The following CABLES1 variants were observed in gnomAD, a reference collection of about 807,000 sequenced individuals.
CABLES1 encodes Cdk5 and Abl enzyme substrate 1.
A neutral mutation model predicts 57.8 loss-of-function variants in CABLES1; 36 were observed. That is an observed-to-expected ratio of 0.62 (90% CI 0.48 to 0.82). The LOEUF is 0.82. Ranked by LOEUF, CABLES1 falls within the 40% of genes least tolerant of loss-of-function variation. The pLI, the probability that CABLES1 is intolerant of heterozygous loss-of-function variation, is 0.00. For synonymous variants in CABLES1, 374 were observed against 363.0 expected, an observed-to-expected ratio of 1.03 and a Z score of -0.35; for missense variants, 767 against 836.6, an observed-to-expected ratio of 0.92 and a Z score of 1.03.
intron 1 of CABLES1, among the ~76,000 whole-genome samples, chr18:23,180,805 G>A (rs1453478061): frequency 1.3e-5 from 2 of 152,186 alleles, no homozygotes; most frequent in East Asian, 1.9e-4. Context: ...TGCATGAGCT[G>A]AACACCATTT....
At position 23,237,234 on chromosome 18, in the gene CABLES1, C is replaced by T. The variant is rs1305919384; in HGVS notation, c.1435C>T (p.Pro479Ser). Residue 479 changes from proline to serine, a missense_variant, in exon 7 of 10, where the codon CCT (proline) becomes TCT (serine). Pro to Ser is a moderately conservative substitution (Grantham distance 74, BLOSUM62 -1). Coordinates refer to ENST00000256925, the MANE Select transcript of CABLES1 (RefSeq NM_001100619.3). ...CGKHKRVLIFPSYMTTVIDYV... is the reference protein window; with the variant it reads ...CGKHKRVLIFSSYMTTVIDYV... ...CAAACACAAACGCGTTCTGATCTTC[C>T]CTTCCTACATGGTGAGTAGCGTGGA... 1.2e-6 allele frequency: 2 copies of T among 1,608,390 alleles called. No individual in the cohort carries two copies. Among genetic ancestry groups the T allele is most frequent in the Non-Finnish European group, 1.7e-6 (2 of 1,174,716 alleles).
chr18:23,156,439 C>A (rs755609628), intron 1 of CABLES1, among the ~76,000 whole-genome samples: 12 of 152,224 alleles, frequency 7.9e-5, no homozygotes, highest in Non-Finnish European at 1.8e-4. Context: ...GGACCCTGGA[C>A]GTCAGTGCCT....
At chr18:23,173,453 A>G (rs1237467374) in intron 1 of CABLES1, among the ~76,000 whole-genome samples, 3 of 152,212 alleles carry the variant, frequency 2.0e-5, no homozygotes, top group Non-Finnish European at 4.4e-5. Context: ...CCAGATCCAT[A>G]GTTTTCAAAT....
At chr18:23,147,776 T>C (rs1203365015) in intron 1 of CABLES1, among the ~76,000 whole-genome samples, 1 of 152,156 alleles carries the variant, frequency 6.6e-6, no homozygotes. Context: ...GCAATGAGGC[T>C]GTGAGGTGAA....
At chr18:23,152,709 C>G (rs2046938985) in intron 1 of CABLES1, among the ~76,000 whole-genome samples, 1 of 148,168 alleles carries the variant, frequency 6.7e-6, no homozygotes, top group African/African-American at 2.5e-5. Flanking sequence ...GGTCTCAAAC[C>G]CCTGACCTCA....
chr18:23,225,564 T>C (rs1488874965), intron 4 of CABLES1, among the ~76,000 whole-genome samples: 1 of 152,200 alleles, frequency 6.6e-6, no homozygotes, highest in African/African-American at 2.4e-5. Context: ...GTTGCCCAGC[T>C]TTTTCACTGT....
intron 1 of CABLES1, among the ~76,000 whole-genome samples, chr18:23,136,985 C>T (rs543859343): frequency 1.3e-4 from 20 of 152,334 alleles, no homozygotes; most frequent in African/African-American, 4.6e-4. Flanking sequence ...GAGACTCGGC[C>T]GGGCGCAGAG....
At chr18:23,154,782 A>T (rs541333319) in intron 1 of CABLES1, among the ~76,000 whole-genome samples, 5 of 152,320 alleles carry the variant, frequency 3.3e-5, no homozygotes, top group African/African-American at 1.2e-4. Context: ...TTGCCTTTTG[A>T]CACGTGTGAC....
chr18:23,195,781 C>T (rs1380048481), intron 3 of CABLES1, among the ~76,000 whole-genome samples: 1 of 152,042 alleles, frequency 6.6e-6, no homozygotes, highest in Admixed American at 6.5e-5. Flanking sequence ...TTTTCGCTGA[C>T]ACTTAAGAAT....
intron 5 of CABLES1, 51 bp downstream of exon 5, chr18:23,234,755 C>T (rs952618067): frequency 6.9e-7 from 1 of 1,458,606 alleles, no homozygotes; most frequent in Non-Finnish European, 9.5e-7. Context: ...GCACAAGGGT[C>T]AGGAAGCAGA....
In CABLES1 at chr18:23,253,015, C is replaced by A. The variant is rs1273439424; in HGVS notation, c.1502C>A (p.Thr501Asn). 1.9e-6 allele frequency: 3 copies of A among 1,613,738 alleles called. No homozygotes were observed. Among genetic ancestry groups the A allele is most frequent in the Non-Finnish European group, 2.5e-6 (3 of 1,179,806 alleles). ...PSDLKKDMNE[T>N]FKEKFPHIKL... Reference sequence around the variant, plus strand: ...GATCTCAAGAAGGACATGAACGAGACCTTCAAGGAGAAGTTTCCTCACATT... The same window carrying A: ...GATCTCAAGAAGGACATGAACGAGAACTTCAAGGAGAAGTTTCCTCACATT... Residue 501 changes from threonine to asparagine, a missense_variant, in exon 8 of 10, where the codon ACC becomes AAC. Thr to Asn is a moderately conservative substitution (Grantham distance 65). Transcript: ENST00000256925.
chr18:23,166,922 C>T (rs529693829), intron 1 of CABLES1, among the ~76,000 whole-genome samples: 16 of 152,196 alleles, frequency 1.1e-4, no homozygotes, highest in Admixed American at 2.0e-4. Context: ...TTCTGTGATG[C>T]GCGTGATTTC....
At chr18:23,245,600 C>T (rs150799626) in intron 7 of CABLES1, among the ~76,000 whole-genome samples, 3 of 152,110 alleles carry the variant, frequency 2.0e-5, no homozygotes, top group South Asian at 2.1e-4. Context: ...TTCTCTTTTC[C>T]TGTTATCTCA....
In CABLES1 at chr18:23,257,404, C is replaced by G; in HGVS notation, c.*37C>G. ...AGGACAGCCAAGGGCCATTTCTTCT[C>G]AGCTTGGTGGAGCAGCACTTACTTA... On this transcript the variant is annotated 3_prime_UTR_variant, in exon 10 of 10. Coordinates refer to ENST00000256925, the MANE Select transcript of CABLES1 (RefSeq NM_001100619.3). 1 of 1,551,972 alleles carries G rather than the reference C, an allele frequency of 6.4e-7. No individual in the cohort carries two copies. The highest frequency in any genetic ancestry group is 8.7e-7 in the Non-Finnish European group (1 of 1,155,076).
At chr18:23,235,829 G>A in intron 5 of CABLES1, 66 bp from the exon 6 acceptor site, 2 of 1,494,402 alleles carry the variant, frequency 1.3e-6, no homozygotes, top group Non-Finnish European at 1.9e-6. Flanking sequence ...ACTGTAGCTT[G>A]ATCAGAATGC....
At position 23,188,898 on chromosome 18, in the gene CABLES1, C is replaced by A. The variant is rs2047221988; in HGVS notation, c.906C>A (p.Ala302=). 1 of 1,611,702 alleles carries A rather than the reference C, an allele frequency of 6.2e-7. No homozygotes were observed. The highest frequency in any genetic ancestry group is 8.5e-7 in the Non-Finnish European group (1 of 1,178,094). Residue 302 remains alanine, a synonymous_variant, in exon 2 of 10, where the codon GCC becomes GCA. Coordinates refer to ENST00000256925, the MANE Select transcript of CABLES1 (RefSeq NM_001100619.3). ...CCCTGGAAGATATTGAGGAGAACGC[C>A]CCTCTCCGGAGGTAATTTTCTGTTT... ...LETLEDIEEN[A]PLRRCRTLSG...
intron 1 of CABLES1, among the ~76,000 whole-genome samples, chr18:23,137,246 G>A (rs2046829091): frequency 6.6e-6 from 1 of 152,228 alleles, no homozygotes; most frequent in Admixed American, 6.5e-5. Flanking sequence ...AGATGAATTT[G>A]CTTGAGTTCG....
At chr18:23,245,094 C>T (rs2047841932) in intron 7 of CABLES1, among the ~76,000 whole-genome samples, 2 of 152,192 alleles carry the variant, frequency 1.3e-5, no homozygotes, top group South Asian at 4.1e-4. Context: ...TATACCCCAG[C>T]CCACCTGAGG....
At position 23,203,930 on chromosome 18, in the gene CABLES1, G is replaced by A. The variant is rs72874984; in HGVS notation, c.1010+9390G>A. On this transcript the variant is annotated intron_variant, in intron 3 of 9. Transcript: ENST00000256925. The stretch of plus-strand genomic sequence containing the variant: ...TGCCATCCCCTCAGTGGCAGAAGGC[G>A]GCAGGAAGCATCTTTATCCTTGTCA... 5.7e-3 allele frequency among the ~76,000 whole-genome samples: 869 copies of A among 152,238 alleles called. 6 individuals are homozygous for A. Among genetic ancestry groups the A allele is most frequent in the Middle Eastern group, 0.024 (7 of 294 alleles).
Sources: gnomAD v4.1 joint callset for allele counts (sites outside exome capture counted in the v4.1 genomes callset) on GRCh38, gnomAD v4.1.1 for gene constraint, MANE v1.5 for transcripts, NCBI Gene and HGNC (gene_info 2026-07-23, HGNC 2026-07-21) for gene names.